Variants in FAM185A observed in about 807,000 individuals in gnomAD.
FAM185A encodes the protein family with sequence similarity 185 member A.
A neutral mutation model predicts 45.7 loss-of-function variants in FAM185A; 21 were observed. The ratio of observed to expected loss-of-function variants is 0.46; its 90% confidence interval spans 0.33 to 0.66. The LOEUF (loss-of-function observed/expected upper bound fraction) is 0.66. FAM185A is among the 30% of genes least tolerant of loss of function. FAM185A has a pLI of 0.03. For synonymous variants in FAM185A, 117 were observed against 194.0 expected (o/e 0.60, Z 3.30); for missense variants, 305 against 485.4 (o/e 0.63, Z 3.49).
intron 3 of FAM185A, among the ~76,000 whole-genome samples, chr7:102,758,308 A>G (rs1171304225): frequency 1.3e-5 from 2 of 151,544 alleles, no homozygotes; most frequent in African/African-American, 4.8e-5. Flanking sequence ...GGTTTATTTG[A>G]GTATTTTCTA....
At chr7:102,818,267 G>C in the FAM185A span, among the ~76,000 whole-genome samples, 2 of 152,202 alleles carry the variant, frequency 1.3e-5, no homozygotes, top group Non-Finnish European at 2.9e-5. Context: ...AAAAGCTTGA[G>C]AATGTAATAT....
chr7:102,773,464 C>T (rs984890341), intron 5 of FAM185A, among the ~76,000 whole-genome samples: 54 of 152,250 alleles, frequency 3.5e-4, no homozygotes, highest in African/African-American at 1.3e-3. Flanking sequence ...TGTTGATGGA[C>T]ACCTGGGCCA....
At chr7:102,763,577 C>G (rs147080555) in intron 4 of FAM185A, among the ~76,000 whole-genome samples, 2 of 152,192 alleles carry the variant, frequency 1.3e-5, no homozygotes, top group African/African-American at 4.8e-5. Context: ...TTGTCTCAAG[C>G]TGGGGTGAGA....
chr7:102,813,187 G>A (rs1006944130), downstream of FAM185A: 28 of 715,380 alleles, frequency 3.9e-5, no homozygotes, highest in African/African-American at 4.7e-4. Context: ...AACTACTGAT[G>A]TGTTTGGAAA....
chr7:102,806,311 A>T (rs1488937879), intron 7 of FAM185A, among the ~76,000 whole-genome samples: 1 of 152,076 alleles, frequency 6.6e-6, no homozygotes, highest in Non-Finnish European at 1.5e-5. Flanking sequence ...CAGCCTCCCA[A>T]GTAGCTGGGA....
In FAM185A at chr7:102,777,678, C is replaced by T. The variant is rs548561271; in HGVS notation, c.931+330C>T. Among the ~76,000 whole-genome samples, 29 of 152,404 alleles carry T rather than the reference C, an allele frequency of 1.9e-4. No homozygotes were observed. The South Asian group carries it at 5.4e-3, about 28-fold the overall frequency. On this transcript the variant is annotated intron_variant, in intron 6 of 7. Transcript: ENST00000413034. ...AATAGAATAATCTTTGAAGGAAAAA[C>T]GCTGCCATACACTCTTTTGGAAGCT...
the FAM185A span, among the ~76,000 whole-genome samples, chr7:102,814,782 T>C: frequency 1.3e-5 from 2 of 152,256 alleles, no homozygotes; most frequent in African/African-American, 4.8e-5. Flanking sequence ...ATGGTAAGTT[T>C]ATTGTCAAAG....
At chr7:102,820,653 TAAAG>T in the FAM185A span, among the ~76,000 whole-genome samples, 1 of 152,280 alleles carries the variant, frequency 6.6e-6, no homozygotes, top group African/African-American at 2.4e-5. Flanking sequence ...GGGTAATTTA[TAAAG>T]AAAAGAAATT....
the FAM185A span, among the ~76,000 whole-genome samples, chr7:102,835,059 T>A: frequency 5.3e-5 from 8 of 152,330 alleles, no homozygotes; most frequent in East Asian, 1.5e-3. Flanking sequence ...CACAAATGTA[T>A]TGTACTTTGA....
intron 1 of FAM185A, 104 bp downstream of exon 1, chr7:102,749,762 C>G: frequency 6.8e-7 from 1 of 1,460,374 alleles, no homozygotes; most frequent in Non-Finnish European, 9.0e-7. Flanking sequence ...CTCTCTAAAC[C>G]TAATTTACAG....
the FAM185A span, among the ~76,000 whole-genome samples, chr7:102,839,723 CAT>C: frequency 2.0e-5 from 3 of 152,070 alleles, no homozygotes; most frequent in African/African-American, 7.2e-5. Context: ...TGGGATTACA[CAT>C]GTGAGCCACT....
At position 102,803,036 on chromosome 7, in the gene FAM185A, A is replaced by G. The variant is rs553703347; in HGVS notation, c.1067-5254A>G. On this transcript the variant is annotated intron_variant, in intron 7 of 7. Coordinates refer to ENST00000413034, the MANE Select transcript of FAM185A (RefSeq NM_001145268.2). Reference sequence around the variant, plus strand: ...ATAACAAGCAGGAGATTGAAGTGGTAATTAAAAATTACCAACCAAAAAAGT... The same window carrying G: ...ATAACAAGCAGGAGATTGAAGTGGTGATTAAAAATTACCAACCAAAAAAGT... 7.9e-5 allele frequency among the ~76,000 whole-genome samples: 12 copies of G among 152,220 alleles called. No individual in the cohort carries two copies. The South Asian group carries it at 1.0e-3, about 13-fold the overall frequency.
intron 6 of FAM185A, among the ~76,000 whole-genome samples, chr7:102,784,485 A>G (rs914486861): frequency 2.0e-5 from 3 of 152,364 alleles, no homozygotes; most frequent in Admixed American, 2.0e-4. Context: ...TTTATCTACC[A>G]TGATCAAGTG....
intron 5 of FAM185A, among the ~76,000 whole-genome samples, chr7:102,774,932 G>A (rs1440352742): frequency 6.6e-6 from 1 of 151,542 alleles, no homozygotes; most frequent in Non-Finnish European, 1.5e-5. Context: ...TTTACTCAGT[G>A]CCCATGTGCC....
At chr7:102,776,099 T>TACACACACACATACACACATATACACAC (rs1795040233) in intron 5 of FAM185A, among the ~76,000 whole-genome samples, 1 of 106,670 alleles carries the variant, frequency 9.4e-6, no homozygotes. Flanking sequence ...TTGGCTCCTA[T>TACACACACACATACACACATATACACAC]ACACACACAC....
the FAM185A span, chr7:102,833,126 C>A: frequency 5.2e-6 from 4 of 771,760 alleles, no homozygotes; most frequent in Non-Finnish European, 8.1e-6. Context: ...ACCCATGTTA[C>A]ATCCAACATC....
At chr7:102,837,379 G>A in the FAM185A span, among the ~76,000 whole-genome samples, 5 of 152,198 alleles carry the variant, frequency 3.3e-5, no homozygotes, top group Admixed American at 6.5e-5. Context: ...AAAGGGAAAG[G>A]GGGATAAGGC....
the FAM185A span, among the ~76,000 whole-genome samples, chr7:102,827,783 T>G: frequency 6.6e-6 from 1 of 152,126 alleles, no homozygotes; most frequent in Non-Finnish European, 1.5e-5. Context: ...AGTGTTTGGT[T>G]TTTTGTCCTT....
At chr7:102,804,816 T>C (rs982477431) in intron 7 of FAM185A, among the ~76,000 whole-genome samples, 2 of 151,972 alleles carry the variant, frequency 1.3e-5, no homozygotes, top group Non-Finnish European at 2.9e-5. Flanking sequence ...GAATCTACAA[T>C]GAACTCAAAC....
Sources: allele counts gnomAD v4.1 joint callset (sites outside exome capture counted in the v4.1 genomes callset), GRCh38; gene constraint gnomAD v4.1.1; transcripts MANE v1.5; gene names NCBI Gene and HGNC (gene_info 2026-07-23, HGNC 2026-07-21).